Variants in STON2 observed in about 807,000 individuals in gnomAD.
STON2 encodes stonin 2.
In STON2, 29 loss-of-function variants were observed where a neutral mutation model predicts 65.7. The observed-to-expected ratio is 0.44, with a 90% CI of 0.33 to 0.60. STON2 has a LOEUF of 0.60. STON2 is among the 20% of genes least tolerant of loss of function. STON2 has a pLI of 0.03. For synonymous variants in STON2, 404 were observed against 414.2 expected (o/e 0.98, Z 0.30); for missense variants, 1,054 against 1,118.1 (o/e 0.94, Z 0.82).
chr14:81,329,992 C>T (rs2140264520), intron 4 of STON2, among the ~76,000 whole-genome samples: 1 of 152,316 alleles, frequency 6.6e-6, no homozygotes, highest in East Asian at 1.9e-4. Flanking sequence ...TTCCGTCTTC[C>T]TCCACAGGAG....
chr14:81,279,412 C>T lies in STON2; in HGVS notation c.743-673G>A, dbSNP rs148330905. Among the ~76,000 whole-genome samples, 292 of 152,144 alleles carry T rather than the reference C, an allele frequency of 1.9e-3. 2 individuals carry two copies. The highest frequency in any genetic ancestry group is 9.3e-3 in the East Asian group (48 of 5,178). The stretch of plus-strand genomic sequence containing the variant: ...TCTCACTAGTAATAAGAAAAATGGC[C>T]GGGCACAGTGGCTCATGCCTGTAAT... On this transcript the variant is annotated intron_variant, in intron 5 of 7. Coordinates refer to ENST00000614646, the MANE Select transcript of STON2 (RefSeq NM_001394390.1).
intron 5 of STON2, among the ~76,000 whole-genome samples, chr14:81,313,366 C>T (rs927612381): frequency 4.6e-5 from 7 of 152,136 alleles, no homozygotes; most frequent in Admixed American, 2.6e-4. Context: ...TAAAGCCTGA[C>T]GCAGCACCTT....
chr14:81,299,599 A>C (rs1332980210), intron 5 of STON2, among the ~76,000 whole-genome samples: 4 of 152,204 alleles, frequency 2.6e-5, no homozygotes, highest in African/African-American at 9.7e-5. Context: ...CTTCTTAACA[A>C]AAGTAAAAAT....
intron 1 of STON2, among the ~76,000 whole-genome samples, chr14:81,428,731 A>G (rs1161800894): frequency 1.3e-5 from 2 of 152,184 alleles, no homozygotes; most frequent in Non-Finnish European, 2.9e-5. Context: ...TCAAAAAAAA[A>G]CAGAAACAAA....
intron 2 of STON2, among the ~76,000 whole-genome samples, chr14:81,423,205 T>C (rs761104561): frequency 6.6e-6 from 1 of 152,158 alleles, no homozygotes; most frequent in Non-Finnish European, 1.5e-5. Context: ...GTTCTCAAGT[T>C]AGGGCCAAGA....
chr14:81,315,457 A>C (rs1225473439), intron 5 of STON2, among the ~76,000 whole-genome samples: 1 of 152,232 alleles, frequency 6.6e-6, no homozygotes. Flanking sequence ...CATAAAAAAA[A>C]CAGTGGTCCC....
At chr14:81,273,956 G>A (rs1308062906) in intron 6 of STON2, among the ~76,000 whole-genome samples, 1 of 152,100 alleles carries the variant, frequency 6.6e-6, no homozygotes, top group Non-Finnish European at 1.5e-5. Flanking sequence ...ACCTTCCCAG[G>A]GCTGTCTGAA....
chr14:81,367,419 C>G (rs1381766086), intron 4 of STON2, among the ~76,000 whole-genome samples: 1 of 152,144 alleles, frequency 6.6e-6, no homozygotes, highest in Non-Finnish European at 1.5e-5. Flanking sequence ...TCAAGTGATC[C>G]ACCCACCTCA....
chr14:81,435,508 G>A (rs1902382091), intron 1 of STON2, among the ~76,000 whole-genome samples: 1 of 152,166 alleles, frequency 6.6e-6, no homozygotes, highest in Non-Finnish European at 1.5e-5. Context: ...GGAGAGGGAG[G>A]CACAGAGAGT....
intron 5 of STON2, among the ~76,000 whole-genome samples, chr14:81,316,964 G>A (rs541357380): frequency 3.5e-4 from 53 of 152,082 alleles, no homozygotes; most frequent in Admixed American, 5.9e-4. Flanking sequence ...AGGTTGCAGT[G>A]AGCCGAGATC....
At chr14:81,303,363 G>A (rs1595319092) in intron 5 of STON2, among the ~76,000 whole-genome samples, 1 of 152,294 alleles carries the variant, frequency 6.6e-6, no homozygotes, top group East Asian at 1.9e-4. Context: ...CCTGGATCAA[G>A]CATTGTGCAC....
chr14:81,278,959 T>C (rs991387787), intron 5 of STON2: 12 of 398,938 alleles, frequency 3.0e-5, no homozygotes, highest in African/African-American at 2.3e-4. Context: ...AAGAACCCAA[T>C]GGCTATATCA....
intron 7 of STON2, 80 bp from the exon 8 acceptor site, chr14:81,268,577 T>A (rs1442702216): frequency 7.9e-7 from 1 of 1,272,412 alleles, no homozygotes; most frequent in Non-Finnish European, 1.0e-6. Context: ...CAAAACTCCA[T>A]AGGTACTTTG....
At chr14:81,330,435 C>CT (rs144222612) in intron 4 of STON2, among the ~76,000 whole-genome samples, 33 of 145,342 alleles carry the variant, frequency 2.3e-4, no homozygotes, top group South Asian at 6.6e-4. Context: ...GAGATGGTGT[C>CT]TTTTTTTTTT....
chr14:81,327,949 A>G (rs986715865), intron 4 of STON2, among the ~76,000 whole-genome samples: 5 of 152,314 alleles, frequency 3.3e-5, no homozygotes, highest in African/African-American at 1.2e-4. Flanking sequence ...GAGCGCTATG[A>G]CTTTGGTCAA....
intron 4 of STON2, among the ~76,000 whole-genome samples, chr14:81,349,924 C>A (rs1897960625): frequency 6.6e-6 from 1 of 152,064 alleles, no homozygotes; most frequent in Non-Finnish European, 1.5e-5. Context: ...CTGTCATTTG[C>A]AGCAACATGG....
At chr14:81,416,914 CA>C in intron 2 of STON2, among the ~76,000 whole-genome samples, 1 of 152,310 alleles carries the variant, frequency 6.6e-6, no homozygotes, top group African/African-American at 2.4e-5. Context: ...TAGAGGAAAA[CA>C]GAGCTCCAGG....
At chr14:81,294,346 G>A (rs1371777489) in intron 5 of STON2, among the ~76,000 whole-genome samples, 1 of 152,172 alleles carries the variant, frequency 6.6e-6, no homozygotes, top group Non-Finnish European at 1.5e-5. Context: ...CTTTGGCCTA[G>A]GTCAACCTAG....
At chr14:81,338,164 C>T (rs888439538) in intron 4 of STON2, among the ~76,000 whole-genome samples, 4 of 152,136 alleles carry the variant, frequency 2.6e-5, no homozygotes, top group Non-Finnish European at 5.9e-5. Context: ...TGAGGCAACT[C>T]TTGGCGGACT....
Sources: allele counts gnomAD v4.1 joint callset (sites outside exome capture counted in the v4.1 genomes callset), GRCh38; gene constraint gnomAD v4.1.1; transcripts MANE v1.5; gene names NCBI Gene and HGNC (gene_info 2026-07-23, HGNC 2026-07-21).